BLTP1: variants seen among roughly 807,000 people sequenced by gnomAD.
BLTP1 encodes the protein bridge-like lipid transfer protein family member 1.
At chr4:122,275,834 G>C in the BLTP1 span, 1 of 992,026 alleles carries the variant, frequency 1.0e-6, no homozygotes, top group East Asian at 3.2e-5. Context: ...GGTTCAAATG[G>C]TACTTTAAAG....
chr4:122,257,257 C>T, the BLTP1 span: 91 of 1,612,604 alleles, frequency 5.6e-5, no homozygotes, highest in Non-Finnish European at 6.8e-5. Context: ...TGTTACAGAG[C>T]GATGGACTTC....
the BLTP1 span, among the ~76,000 whole-genome samples, chr4:122,360,747 T>G: frequency 6.6e-6 from 1 of 152,342 alleles, no homozygotes; most frequent in Middle Eastern, 3.4e-3. Context: ...ATATTAACTG[T>G]TAAAATACTG....
At chr4:122,218,048 T>A in the BLTP1 span, among the ~76,000 whole-genome samples, 1 of 152,114 alleles carries the variant, frequency 6.6e-6, no homozygotes. Context: ...TTCTGTGGTA[T>A]CGGTTATAAT....
chr4:122,325,959 C>A, the BLTP1 span: 2 of 539,862 alleles, frequency 3.7e-6, no homozygotes, highest in Non-Finnish European at 5.9e-6. Context: ...TAAAACTAAT[C>A]AACCACACTG....
chr4:122,166,725 T>G, the BLTP1 span, among the ~76,000 whole-genome samples: 1 of 152,188 alleles, frequency 6.6e-6, no homozygotes, highest in Admixed American at 6.5e-5. Flanking sequence ...GTTCTTCCAT[T>G]TGTTTGTATC....
chr4:122,272,814 A>G, the BLTP1 span, among the ~76,000 whole-genome samples: 1 of 152,072 alleles, frequency 6.6e-6, no homozygotes, highest in Non-Finnish European at 1.5e-5. Context: ...CCTTTAGTTG[A>G]TATAAAATTT....
At chr4:122,355,782 C>G in the BLTP1 span, 1 of 1,576,862 alleles carries the variant, frequency 6.3e-7, no homozygotes, top group Non-Finnish European at 8.7e-7. Flanking sequence ...CTCTCTTTAT[C>G]ATTATGCATG....
the BLTP1 span, among the ~76,000 whole-genome samples, chr4:122,361,392 A>C: frequency 2.6e-5 from 4 of 152,202 alleles, no homozygotes; most frequent in Non-Finnish European, 5.9e-5. Flanking sequence ...ACTCAGCCAC[A>C]GACAACATAG....
At chr4:122,213,981 T>G in the BLTP1 span, among the ~76,000 whole-genome samples, 4 of 152,290 alleles carry the variant, frequency 2.6e-5, no homozygotes, top group East Asian at 5.8e-4. Flanking sequence ...AGCAAATAAC[T>G]GCATGAAAGG....
chr4:122,321,207 G>A, the BLTP1 span, among the ~76,000 whole-genome samples: 3 of 151,844 alleles, frequency 2.0e-5, no homozygotes, highest in Non-Finnish European at 2.9e-5. Context: ...TCAAAAAATC[G>A]TAAGTCAAAC....
the BLTP1 span, among the ~76,000 whole-genome samples, chr4:122,241,974 G>C: frequency 6.6e-6 from 1 of 152,152 alleles, no homozygotes; most frequent in Non-Finnish European, 1.5e-5. Flanking sequence ...ACAAAAAAAT[G>C]ACATGTATTG....
the BLTP1 span, chr4:122,224,621 G>A: frequency 1.4e-5 from 23 of 1,613,934 alleles, no homozygotes; most frequent in South Asian, 4.4e-5. Context: ...CTTAGAATAC[G>A]CATGGTTAAT....
chr4:122,357,758 T>A, the BLTP1 span, among the ~76,000 whole-genome samples: 4 of 152,220 alleles, frequency 2.6e-5, no homozygotes, highest in Admixed American at 2.6e-4. Context: ...AAATCACATA[T>A]GTGCTTCCTA....
At chr4:122,361,238 CAT>C in the BLTP1 span, among the ~76,000 whole-genome samples, 2 of 152,150 alleles carry the variant, frequency 1.3e-5, no homozygotes, top group Non-Finnish European at 2.9e-5. Flanking sequence ...GATAACAAGA[CAT>C]GTGGCTTAGA....
the BLTP1 span, chr4:122,334,300 A>G: frequency 7.1e-7 from 1 of 1,408,258 alleles, no homozygotes; most frequent in Non-Finnish European, 9.9e-7. Flanking sequence ...GATTTTCCTC[A>G]TCTTCATAAT....
At chr4:122,325,670 G>A in the BLTP1 span, 3 of 1,053,966 alleles carry the variant, frequency 2.8e-6, no homozygotes, top group Non-Finnish European at 3.7e-6. Flanking sequence ...ACTCATTTAT[G>A]TATTTTATTT....
chr4:122,349,956 G>A, the BLTP1 span: 2 of 1,613,758 alleles, frequency 1.2e-6, no homozygotes, highest in African/African-American at 2.7e-5. This position sits in a 1 kb window ranked among gnomAD's most constrained non-coding sequence, Gnocchi z 4.5. Context: ...TGAAGCTCCA[G>A]GAATTTTTCA....
chr4:122,245,011 T>TC, the BLTP1 span: 303 of 1,603,238 alleles, frequency 1.9e-4, no homozygotes, highest in African/African-American at 2.3e-3. Context: ...TACTGTTTTT[T>TC]CCCCTCAGAT....
the BLTP1 span, among the ~76,000 whole-genome samples, chr4:122,297,654 AC>A: frequency 6.6e-6 from 1 of 152,218 alleles, no homozygotes; most frequent in African/African-American, 2.4e-5. Context: ...CATGGAATCA[AC>A]CTAAATGCCC....
Sources: gnomAD v4.1 joint callset for allele counts (sites outside exome capture counted in the v4.1 genomes callset) on GRCh38, gnomAD v4.1.1 for gene constraint, Gnocchi (gnomAD v3.1) non-coding constraint, MANE v1.5 for transcripts, NCBI Gene and HGNC (gene_info 2026-07-23, HGNC 2026-07-21) for gene names.